Variants in TMEM132B observed in about 807,000 individuals in gnomAD.
TMEM132B encodes the protein transmembrane protein 132B.
In TMEM132B, 18 loss-of-function variants were observed where a neutral mutation model predicts 90.8. That is an observed-to-expected ratio of 0.20 (90% CI 0.14 to 0.29). TMEM132B has a LOEUF of 0.29. Among genes scored for constraint, TMEM132B ranks in the 10% least tolerant of loss-of-function variants. The pLI, the probability that TMEM132B is intolerant of heterozygous loss-of-function variation, is 1.00. For missense variants in TMEM132B, 1,096 were observed against 1,326.8 expected (o/e 0.83, Z 2.70); for synonymous variants, 504 against 523.3 (o/e 0.96, Z 0.50).
intron 3 of TMEM132B, among the ~76,000 whole-genome samples, chr12:125,481,703 A>G (rs939613395): frequency 5.9e-5 from 9 of 152,232 alleles, no homozygotes; most frequent in African/African-American, 1.7e-4. Context: ...ATTCAGTGCC[A>G]TCCCCATCAA....
intron 6 of TMEM132B, among the ~76,000 whole-genome samples, chr12:125,649,550 G>C (rs139633782): frequency 4.3e-4 from 66 of 152,330 alleles, no homozygotes; most frequent in African/African-American, 1.4e-3. Flanking sequence ...GGGGGTGTGT[G>C]AAGATTACAT....
At chr12:125,254,886 T>C (rs1262362622) in intron 1 of TMEM132B, among the ~76,000 whole-genome samples, 1 of 151,934 alleles carries the variant, frequency 6.6e-6, no homozygotes. Flanking sequence ...GGTTTTGCCA[T>C]GTTGGGCAGG....
intron 3 of TMEM132B, among the ~76,000 whole-genome samples, chr12:125,477,529 A>T (rs1396695445): frequency 1.3e-5 from 2 of 150,742 alleles, no homozygotes; most frequent in African/African-American, 4.9e-5. Context: ...AAGAACCTAA[A>T]TTTTTTTTTT....
chr12:125,651,018 G>A, intron 7 of TMEM132B, 65 bp downstream of exon 7: 1 of 1,576,980 alleles, frequency 6.3e-7, no homozygotes. Context: ...AGATGCTGTT[G>A]TGCAGATGTG....
At chr12:125,552,810 G>C (rs1884268596) in intron 4 of TMEM132B, among the ~76,000 whole-genome samples, 1 of 152,246 alleles carries the variant, frequency 6.6e-6, no homozygotes, top group South Asian at 2.1e-4. Flanking sequence ...TAATGTGTCA[G>C]TAGATGAAGC....
intron 1 of TMEM132B, among the ~76,000 whole-genome samples, chr12:125,230,503 C>G (rs564582275): frequency 5.3e-5 from 8 of 151,652 alleles, no homozygotes; most frequent in Admixed American, 3.3e-4. Context: ...TTTTCTGAGA[C>G]GGAGTCTCGC....
chr12:125,317,376 C>T (rs539056776), intron 1 of TMEM132B, among the ~76,000 whole-genome samples: 1 of 152,280 alleles, frequency 6.6e-6, no homozygotes, highest in Non-Finnish European at 1.5e-5. Flanking sequence ...CTCCCCTGCC[C>T]ATCAGTCTCT....
At chr12:125,191,243 T>C (rs1035101986) in intron 1 of TMEM132B, among the ~76,000 whole-genome samples, 4 of 148,874 alleles carry the variant, frequency 2.7e-5, no homozygotes, top group African/African-American at 1.0e-4. Context: ...GTGATGGTGA[T>C]GGTGATGGGG....
intron 1 of TMEM132B, among the ~76,000 whole-genome samples, chr12:125,266,490 G>A (rs1874699729): frequency 6.6e-6 from 1 of 152,198 alleles, no homozygotes; most frequent in Admixed American, 6.5e-5. Flanking sequence ...AGTAATATAT[G>A]TACATGGTCA....
chr12:125,452,755 A>C (rs1372747118), intron 3 of TMEM132B, among the ~76,000 whole-genome samples: 1 of 152,092 alleles, frequency 6.6e-6, no homozygotes, highest in Non-Finnish European at 1.5e-5. Context: ...TCATATGTTT[A>C]TTGGCCATTT....
chr12:125,348,365 C>T lies in TMEM132B; in HGVS notation c.68-1087C>T, dbSNP rs776883397. On this transcript the variant is annotated intron_variant, in intron 1 of 8. Transcript: ENST00000682704. ...TTCTTGAGACAGGGTTTTGTTCTGT[C>T]GCCCAGATTGGAGTGCAGTGGTGCA... Among the ~76,000 whole-genome samples the T allele has an allele frequency of 5.4e-4, 82 of 152,090 alleles. 1 individual carries two copies. Among genetic ancestry groups the T allele is most frequent in the Non-Finnish European group, 2.4e-4 (16 of 68,026 alleles).
chr12:125,400,558 A>C (rs1879290601), intron 2 of TMEM132B, among the ~76,000 whole-genome samples: 1 of 152,188 alleles, frequency 6.6e-6, no homozygotes, highest in South Asian at 2.1e-4. Context: ...CTCCATGGTC[A>C]TCTTGGCAGG....
In TMEM132B at chr12:125,270,112, T is replaced by TTGTGTGTGTGTGTGTGTG. The variant is rs59168219; in HGVS notation, c.68-79320_68-79303dup. On this transcript the variant is annotated intron_variant, in intron 1 of 8. Coordinates refer to ENST00000682704, the MANE Select transcript of TMEM132B (RefSeq NM_001366854.1). ...GCTAATGCCACATCTCACATCTTTG[T>TTGTGTGTGTGTGTGTGTG]TGTGTGTGTGTGTGTGTGTGTGTGT... Among the ~76,000 whole-genome samples the TTGTGTGTGTGTGTGTGTG allele has an allele frequency of 3.0e-3, 423 of 143,234 alleles. 3 individuals are homozygous for TTGTGTGTGTGTGTGTGTG. Among genetic ancestry groups the TTGTGTGTGTGTGTGTGTG allele is most frequent in the African/African-American group, 9.1e-3 (348 of 38,074 alleles). The allele number at this position is 143,234 out of a possible 152,430, so 94.0% of individuals were successfully genotyped here.
At chr12:125,626,206 T>C (rs1275802115) in intron 5 of TMEM132B, among the ~76,000 whole-genome samples, 1 of 152,148 alleles carries the variant, frequency 6.6e-6, no homozygotes, top group African/African-American at 2.4e-5. Flanking sequence ...TGAAGGACTT[T>C]CTTTAATATG....
At chr12:125,637,481 G>A (rs1886513093) in intron 5 of TMEM132B, among the ~76,000 whole-genome samples, 1 of 152,154 alleles carries the variant, frequency 6.6e-6, no homozygotes, top group Non-Finnish European at 1.5e-5. Flanking sequence ...GCACAGCTTG[G>A]TTTTATACAT....
At chr12:125,329,364 C>T (rs1415990695) in intron 1 of TMEM132B, among the ~76,000 whole-genome samples, 1 of 152,166 alleles carries the variant, frequency 6.6e-6, no homozygotes, top group African/African-American at 2.4e-5. Context: ...ATGAGTGTGC[C>T]TGATCCATCC....
At chr12:125,226,155 C>T (rs1873676688) in intron 1 of TMEM132B, among the ~76,000 whole-genome samples, 1 of 152,174 alleles carries the variant, frequency 6.6e-6, no homozygotes, top group African/African-American at 2.4e-5. Flanking sequence ...AGCATCAACT[C>T]CCCATCCATG....
chr12:125,225,438 C>T lies in TMEM132B; in HGVS notation c.67+38572C>T, dbSNP rs541803860. Reference sequence around the variant, plus strand: ...TGTGACAGCACAGGCCACTCACACACGAAGCCAGCCTTGCACATAGGCAAG... The same window carrying T: ...TGTGACAGCACAGGCCACTCACACATGAAGCCAGCCTTGCACATAGGCAAG... On this transcript the variant is annotated intron_variant, in intron 1 of 8. Coordinates refer to ENST00000682704, the MANE Select transcript of TMEM132B (RefSeq NM_001366854.1). Among the ~76,000 whole-genome samples, 441 of 152,222 alleles carry T rather than the reference C, an allele frequency of 2.9e-3. 4 individuals carry two copies. Among genetic ancestry groups the T allele is most frequent in the Non-Finnish European group, 3.1e-3 (213 of 68,042 alleles).
chr12:125,311,987 C>T (rs1876135825), intron 1 of TMEM132B, among the ~76,000 whole-genome samples: 1 of 152,190 alleles, frequency 6.6e-6, no homozygotes, highest in African/African-American at 2.4e-5. Context: ...AAACAATGAG[C>T]ACGCTCTCTC....
Sources: allele counts gnomAD v4.1 joint callset (sites outside exome capture counted in the v4.1 genomes callset), GRCh38; gene constraint gnomAD v4.1.1; transcripts MANE v1.5; gene names NCBI Gene and HGNC (gene_info 2026-07-23, HGNC 2026-07-21).